ZNF414: variants seen among roughly 807,000 people sequenced by gnomAD.
ZNF414 encodes the protein zinc finger protein 414.
A neutral mutation model predicts 38.3 loss-of-function variants in ZNF414; 32 were observed. The observed-to-expected ratio is 0.83, with a 90% CI of 0.63 to 1.12. ZNF414 has a LOEUF of 1.12. Ranked by LOEUF, ZNF414 falls within the 50% of genes most tolerant of loss-of-function variation. The pLI is 0.00. For synonymous variants in ZNF414, 256 were observed against 248.0 expected, an observed-to-expected ratio of 1.03 and a Z score of -0.30; for missense variants, 589 against 557.4, an observed-to-expected ratio of 1.06 and a Z score of -0.57.
At chr19:8,512,536 G>A in intron 3 of ZNF414, 44 bp from the exon 4 acceptor site, 1 of 1,612,444 alleles carries the variant, frequency 6.2e-7, no homozygotes, top group African/African-American at 1.3e-5. Context: ...GGTGGCCAAG[G>A]CTGGCTCCGA....
At chr19:8,512,887 G>A (rs1971937818) in intron 2 of ZNF414, 142 bp downstream of exon 2, 1 of 1,247,908 alleles carries the variant, frequency 8.0e-7, no homozygotes, top group East Asian at 2.6e-5. Context: ...CACCATTGGA[G>A]CCACAGCCTG....
At position 8,513,276 on chromosome 19, in the gene ZNF414, G is replaced by T; in HGVS notation, c.69C>A (p.Thr23=). ...LATAEPSSSE[T]DKEVLSPAVP... is the part of the protein sequence containing the mutation. Reference sequence around the variant, plus strand: ...CAGCCGGGGACAACACCTCCTTGTCGGTCTCACTGGAGCTGGGCTCTGCAG... The same window carrying T: ...CAGCCGGGGACAACACCTCCTTGTCTGTCTCACTGGAGCTGGGCTCTGCAG... Residue 23 remains threonine, a synonymous_variant, in exon 2 of 8, where the codon ACC becomes ACA. Transcript: ENST00000393927. 1 of 1,596,166 alleles carries T rather than the reference G, an allele frequency of 6.3e-7. No homozygotes were observed. Among genetic ancestry groups the T allele is most frequent in the South Asian group, 1.1e-5 (1 of 90,202 alleles).
chr19:8,510,737 G>A lies in ZNF414; in HGVS notation c.1127C>T (p.Ser376Leu), dbSNP rs1175603916. Reference sequence around the variant, plus strand: ...AAGCTCCCCCTCTGACAGCAGCGGCGACACCTTGGGTGCAAGCGGGGCCGG... The same window carrying A: ...AAGCTCCCCCTCTGACAGCAGCGGCAACACCTTGGGTGCAAGCGGGGCCGG... ...ADPAPLAPKV[S>L]PLLSEGELPV... The change falls in exon 8 of 8, where the codon TCG (serine) becomes TTG (leucine). Residue 376 changes from serine (S) to leucine (L), a missense_variant. Transcript: ENST00000393927. 6.5e-7 allele frequency: 1 copy of A among 1,549,846 alleles called. No individual in the cohort carries two copies. Among genetic ancestry groups the A allele is most frequent in the Non-Finnish European group, 8.7e-7 (1 of 1,146,036 alleles).
At chr19:8,512,846 G>T in intron 2 of ZNF414, 135 bp from the exon 3 acceptor site, 1 of 1,171,694 alleles carries the variant, frequency 8.5e-7, no homozygotes, top group Non-Finnish European at 1.2e-6. Flanking sequence ...AGACTGGTCT[G>T]CCACAGTGCA....
In ZNF414 at chr19:8,514,074, T is replaced by A; in HGVS notation, c.-28A>T. On this transcript the variant is annotated 5_prime_UTR_variant, in exon 1 of 8. Transcript: ENST00000393927. ...TCGACACGGCTCGGCCTCTTGTTTCTGCGGCTCCGGCGGCTGCAGCTTAGG... is the reference window on the plus strand; with the variant it reads ...TCGACACGGCTCGGCCTCTTGTTTCAGCGGCTCCGGCGGCTGCAGCTTAGG... 1 of 1,469,438 alleles carries A rather than the reference T, an allele frequency of 6.8e-7. No homozygotes were observed. Among genetic ancestry groups the A allele is most frequent in the Middle Eastern group, 1.8e-4 (1 of 5,506 alleles). 91.0% of individuals were successfully genotyped at this position (1,469,438 alleles called of 1,614,324 possible).
chr19:8,514,034 C>CTA lies in ZNF414; in HGVS notation c.3+9_3+10insTA. 6.8e-7 allele frequency: 1 copy of CTA among 1,468,598 alleles called. No individual in the cohort carries two copies. The highest frequency in any genetic ancestry group is 9.0e-7 in the Non-Finnish European group (1 of 1,110,754). 91.0% of individuals were successfully genotyped at this position (1,468,598 alleles called of 1,614,324 possible). A position where few individuals can be genotyped will look rare whatever the true frequency, so the allele number is the denominator to read the frequency against. On this transcript the variant is annotated intron_variant, in intron 1 of 7. Transcript: ENST00000393927. ...CTCCGCCGCGCCCGCGACCCCGGTG[C>CTA]CGCGCTCACCATCTTCGACACGGCT... is the stretch of plus-strand genomic sequence containing the variant.
intron 4 of ZNF414, 60 bp from the exon 5 acceptor site, chr19:8,512,020 C>A: frequency 7.2e-7 from 1 of 1,398,542 alleles, no homozygotes; most frequent in South Asian, 1.7e-5. Context: ...GGAGAGTGTC[C>A]TGTGCAATGC....
chr19:8,512,032 AC>A, intron 4 of ZNF414, 72 bp from the exon 5 acceptor site: 3 of 1,394,288 alleles, frequency 2.2e-6, no homozygotes, highest in Non-Finnish European at 2.8e-6. Flanking sequence ...GTGCAATGCC[AC>A]CCGCCCTTCG....
At position 8,511,672 on chromosome 19, in the gene ZNF414, C is replaced by G; in HGVS notation, c.819G>C (p.Leu273=). ...AAGCCGGCGGCCCGGGTGCAGCGGC[C>G]AGGAAGGGGCGCAGGCGCGGGGGGC... ...GLSPPRLRPF[L]AAAPGPPASS... The change falls in exon 5 of 8, where the codon CTG becomes CTC. Residue 273 remains leucine, a synonymous_variant. Transcript: ENST00000393927. The G allele has an allele frequency of 6.7e-7, 1 of 1,499,536 alleles. No individual in the cohort carries two copies. The highest frequency in any genetic ancestry group is 8.9e-7 in the Non-Finnish European group (1 of 1,128,878). The allele number at this position is 1,499,536 out of a possible 1,614,324, so 92.9% of individuals were successfully genotyped here.
Position 8,512,425 on chromosome 19 carries a change from A to C in ZNF414, c.492T>G (p.Ala164=). ...TGGGTTTGTAGTGCAGTTTGCTGTG[A>C]GCCACCAGCTCCTGCATGCTGGGGA... is the stretch of plus-strand genomic sequence containing the variant. ...ETFPSMQELV[A]HSKLHYKPNR... The change falls in exon 4 of 8, where the codon GCT becomes GCG. Residue 164 remains alanine (A), a synonymous_variant. Coordinates refer to ENST00000393927, the MANE Select transcript of ZNF414 (RefSeq NM_001146175.2). The C allele has an allele frequency of 1.2e-6, 2 of 1,613,852 alleles. No individual in the cohort carries two copies. The highest frequency in any genetic ancestry group is 1.7e-6 in the Non-Finnish European group (2 of 1,179,996).
rs781718572 is a variant in ZNF414, at chr19:8,513,264, C to A, written c.81G>T (p.Val27=). ...EPSSSETDKE[V]LSPAVPAAAP... Reference sequence around the variant, plus strand: ...CTGCAGCTGGCACAGCCGGGGACAACACCTCCTTGTCGGTCTCACTGGAGC... The same window carrying A: ...CTGCAGCTGGCACAGCCGGGGACAAAACCTCCTTGTCGGTCTCACTGGAGC... Residue 27 remains valine (V), a synonymous_variant, in exon 2 of 8, where the codon GTG becomes GTT. Transcript: ENST00000393927. 1 of 1,595,352 alleles carries A rather than the reference C, an allele frequency of 6.3e-7. No individual in the cohort carries two copies.
Position 8,510,631 on chromosome 19 carries a change from AG to A in ZNF414, c.*59del. 9.7e-7 allele frequency: 1 copy of A among 1,031,704 alleles called. No homozygotes were observed. Among genetic ancestry groups the A allele is most frequent in the Non-Finnish European group, 1.4e-6 (1 of 738,568 alleles). 63.9% of individuals were successfully genotyped at this position (1,031,704 alleles called of 1,614,324 possible). A position where few individuals can be genotyped will look rare whatever the true frequency, so the allele number is the denominator to read the frequency against. ...GTCCACCCCAGCCCCCCTTCCCTGC[AG>A]CCCCCTCCAAATGACAAAACTACCC... is the stretch of plus-strand genomic sequence containing the variant. On this transcript the variant is annotated 3_prime_UTR_variant, in exon 8 of 8. Coordinates refer to ENST00000393927, the MANE Select transcript of ZNF414 (RefSeq NM_001146175.2).
At chr19:8,512,846 G>A (rs776378549) in intron 2 of ZNF414, 135 bp from the exon 3 acceptor site, 7 of 1,171,582 alleles carry the variant, frequency 6.0e-6, no homozygotes, top group African/African-American at 1.5e-5. Flanking sequence ...AGACTGGTCT[G>A]CCACAGTGCA....
chr19:8,513,432 A>G, intron 1 of ZNF414, 91 bp from the exon 2 acceptor site: 4 of 1,276,316 alleles, frequency 3.1e-6, no homozygotes, highest in Non-Finnish European at 4.2e-6. Context: ...AGGAGAGGAT[A>G]GGGGAATACG....
chr19:8,512,676 G>C lies in ZNF414; in HGVS notation c.352C>G (p.Leu118Val), dbSNP rs1479861871. The C allele has an allele frequency of 5.1e-6, 8 of 1,578,112 alleles. No individual in the cohort carries two copies. The highest frequency in any genetic ancestry group is 6.9e-6 in the Non-Finnish European group (8 of 1,162,926). Residue 118 changes from leucine to valine, a missense_variant, in exon 3 of 8, where the codon CTC becomes GTC. Physicochemically the swap from Leu to Val is conservative, Grantham distance 32 (BLOSUM62 1). Transcript: ENST00000393927. ...AGGTCACGGACGCTGGGAAAACTGA[G>C]GCAGCAGCCAGGGCTGGAGCAAGGG... ...QIPCSSPGCC[L>V]SFPSVRDLAQ...
chr19:8,511,469 T>A lies in ZNF414; in HGVS notation c.925+17A>T, dbSNP rs376047644. 1.2e-6 allele frequency: 2 copies of A among 1,610,010 alleles called. No homozygotes were observed. Among genetic ancestry groups the A allele is most frequent in the Non-Finnish European group, 1.7e-6 (2 of 1,178,740 alleles). The stretch of plus-strand genomic sequence containing the variant: ...AGAAAGCCCCTCCACCCCTCCCTGG[T>A]GGTCACCTGCACGCACCTGAGGGCG... On this transcript the variant is annotated intron_variant, in intron 6 of 7. Transcript: ENST00000393927.
At chr19:8,512,253 G>A in intron 4 of ZNF414, 134 bp downstream of exon 4, 2 of 1,461,518 alleles carry the variant, frequency 1.4e-6, no homozygotes, top group Non-Finnish European at 9.2e-7. Context: ...GGGAGTTGAG[G>A]GCGGGGCTTC....
At position 8,511,652 on chromosome 19, in the gene ZNF414, G is replaced by A; in HGVS notation, c.839C>T (p.Pro280Leu). Residue 280 changes from proline (P) to leucine (L), a missense_variant, in exon 5 of 8, where the codon CCG becomes CTG. Transcript: ENST00000393927. ...TTTCCAGACGGCGGCGCTGGAAGCCGGCGGCCCGGGTGCAGCGGCCAGGAA... is the reference window on the plus strand; with the variant it reads ...TTTCCAGACGGCGGCGCTGGAAGCCAGCGGCCCGGGTGCAGCGGCCAGGAA... ...RPFLAAAPGP[P>L]ASSAAVWKKS... 1 of 1,503,202 alleles carries A rather than the reference G, an allele frequency of 6.7e-7. No individual in the cohort carries two copies. 93.1% of individuals were successfully genotyped at this position (1,503,202 alleles called of 1,614,324 possible).
At position 8,513,183 on chromosome 19, in the gene ZNF414, T is replaced by G. The variant is rs950053631; in HGVS notation, c.162A>C (p.Pro54=). 3.8e-6 allele frequency: 6 copies of G among 1,561,320 alleles called. No individual in the cohort carries two copies. Among genetic ancestry groups the G allele is most frequent in the Non-Finnish European group, 5.2e-6 (6 of 1,159,172 alleles). Residue 54 remains proline (P), a synonymous_variant, in exon 2 of 8, where the codon CCA becomes CCC. Transcript: ENST00000393927. ...CTCCAGCCCCTCCACGTTCCCACACTGGCGGTGTGGCTGCCTGCTCAGGGC... is the reference window on the plus strand; with the variant it reads ...CTCCAGCCCCTCCACGTTCCCACACGGGCGGTGTGGCTGCCTGCTCAGGGC... ...EPGPEQAATP[P]VWERGGAGGM...
Sources: allele counts gnomAD v4.1 joint callset, GRCh38; gene constraint gnomAD v4.1.1; transcripts MANE v1.5; gene names NCBI Gene and HGNC (gene_info 2026-07-23, HGNC 2026-07-21).